The following SNX29 variants were observed in gnomAD, a reference collection of about 807,000 sequenced individuals.
The protein encoded by SNX29 is sorting nexin-29.
SNX29 carries 78 observed loss-of-function variants against 102.1 expected under a neutral mutation model. That is an observed-to-expected ratio of 0.76 (90% CI 0.64 to 0.92). The LOEUF is 0.92. Among genes scored for constraint, SNX29 ranks in the 40% least tolerant of loss-of-function variants. SNX29 has a pLI of 0.00. For missense variants in SNX29, 1,280 were observed against 1,061.7 expected (o/e 1.21, Z -2.86); for synonymous variants, 580 against 414.5 (o/e 1.40, Z -4.85).
At chr16:12,217,708 C>T (rs865923839) in intron 14 of SNX29, among the ~76,000 whole-genome samples, 2 of 152,116 alleles carry the variant, frequency 1.3e-5, no homozygotes, top group East Asian at 1.9e-4. Flanking sequence ...TTGGATTTAC[C>T]ATGGGCATAT....
chr16:12,257,960 G>A (rs911802888), intron 14 of SNX29, among the ~76,000 whole-genome samples: 1 of 152,154 alleles, frequency 6.6e-6, no homozygotes, highest in African/African-American at 2.4e-5. Context: ...CCCTGGAGAT[G>A]AATGGCCATT....
intron 19 of SNX29, among the ~76,000 whole-genome samples, chr16:12,517,055 C>G (rs1284211236): frequency 1.3e-5 from 2 of 152,252 alleles, no homozygotes; most frequent in East Asian, 3.9e-4. Context: ...GAAAGCGAGG[C>G]CCAACTCCCA....
chr16:12,571,900 G>T lies in SNX29; in HGVS notation c.*3271G>T, dbSNP rs1338799370. 9.4e-7 allele frequency: 1 copy of T among 1,061,788 alleles called. No individual in the cohort carries two copies. Among genetic ancestry groups the T allele is most frequent in the Non-Finnish European group, 1.1e-6 (1 of 877,110 alleles). 65.8% of individuals were successfully genotyped at this position (1,061,788 alleles called of 1,614,324 possible). A position where few individuals can be genotyped will look rare whatever the true frequency, so the allele number is the denominator to read the frequency against. ...TTGGAGCTGAGGTTCAAAGCCCCCT[G>T]CATTTCTCTACTGGCAGGCCCTGGT... On this transcript the variant is annotated 3_prime_UTR_variant, in exon 21 of 21. Transcript: ENST00000566228.
chr16:12,568,881 T>A lies in SNX29; in HGVS notation c.*252T>A. The A allele has an allele frequency of 1.8e-6, 1 of 569,416 alleles. No homozygotes were observed. Among genetic ancestry groups the A allele is most frequent in the Non-Finnish European group, 3.0e-6 (1 of 333,244 alleles). 35.3% of individuals were successfully genotyped at this position (569,416 alleles called of 1,614,324 possible). ...ACACACAGTCCTTCTGCTTCTGGGG[T>A]CTACCCTGGGCTGCAAGGGCTGTTC... On this transcript the variant is annotated 3_prime_UTR_variant, in exon 21 of 21. Transcript: ENST00000566228.
intron 16 of SNX29, among the ~76,000 whole-genome samples, chr16:12,370,093 G>A (rs1193169892): frequency 6.6e-6 from 1 of 151,178 alleles, no homozygotes; most frequent in Non-Finnish European, 1.5e-5. Flanking sequence ...GTGGTAGCAT[G>A]TGCCCTTAAT....
chr16:12,092,495 T>A (rs9925009), intron 11 of SNX29, among the ~76,000 whole-genome samples: 34,623 of 152,078 alleles, frequency 0.23, 3,987 homozygotes, highest in Admixed American at 0.26. Context: ...GATTTTCACC[T>A]TTTTTCCTCT....
intron 19 of SNX29, among the ~76,000 whole-genome samples, chr16:12,490,362 T>A (rs2088485084): frequency 6.6e-6 from 1 of 152,246 alleles, no homozygotes; most frequent in Admixed American, 6.5e-5. Context: ...TCCTCCATGT[T>A]GTTGCAAGTA....
chr16:12,043,637 A>G (rs1311013493), intron 5 of SNX29, among the ~76,000 whole-genome samples: 2 of 151,838 alleles, frequency 1.3e-5, no homozygotes, highest in Non-Finnish European at 2.9e-5. Flanking sequence ...GATTACAGGT[A>G]TGAGCTACCA....
chr16:12,393,053 G>A (rs1005190282), intron 16 of SNX29, among the ~76,000 whole-genome samples: 1 of 152,168 alleles, frequency 6.6e-6, no homozygotes, highest in African/African-American at 2.4e-5. Flanking sequence ...TCATTTTTTG[G>A]CAGTGAAAAG....
At chr16:12,144,815 G>C (rs1258822872) in intron 13 of SNX29, among the ~76,000 whole-genome samples, 1 of 152,158 alleles carries the variant, frequency 6.6e-6, no homozygotes, top group Non-Finnish European at 1.5e-5. Context: ...TCCTCCTCCC[G>C]GATTCACACC....
intron 16 of SNX29, among the ~76,000 whole-genome samples, chr16:12,361,865 A>G (rs987577637): frequency 1.3e-5 from 2 of 151,390 alleles, no homozygotes; most frequent in African/African-American, 2.4e-5. Context: ...TTACCCCCTG[A>G]TTTTCCTACC....
intron 18 of SNX29, among the ~76,000 whole-genome samples, chr16:12,468,326 C>T (rs1218683220): frequency 1.3e-5 from 2 of 151,918 alleles, no homozygotes; most frequent in Non-Finnish European, 2.9e-5. Flanking sequence ...AGGCACCCGC[C>T]ACCATGCCCC....
At chr16:12,538,889 A>T (rs956613963) in intron 20 of SNX29, among the ~76,000 whole-genome samples, 1 of 145,202 alleles carries the variant, frequency 6.9e-6, no homozygotes, top group Non-Finnish European at 1.5e-5. Flanking sequence ...GTACACTTGC[A>T]CAGATTAATG....
chr16:12,493,829 T>A (rs1174594386), intron 19 of SNX29, among the ~76,000 whole-genome samples: 1 of 152,332 alleles, frequency 6.6e-6, no homozygotes, highest in East Asian at 1.9e-4. Context: ...TGACCTCAGA[T>A]GATCCACCCG....
At chr16:12,237,021 C>A (rs2077955784) in intron 14 of SNX29, among the ~76,000 whole-genome samples, 1 of 152,140 alleles carries the variant, frequency 6.6e-6, no homozygotes, top group Non-Finnish European at 1.5e-5. Flanking sequence ...CTCCGGCTGG[C>A]TGGGTCATTC....
At chr16:12,201,974 C>T (rs1044048276) in intron 14 of SNX29, among the ~76,000 whole-genome samples, 1 of 152,082 alleles carries the variant, frequency 6.6e-6, no homozygotes, top group African/African-American at 2.4e-5. Flanking sequence ...TTTTTCATAG[C>T]AGCTGAAGGT....
At chr16:11,993,272 G>C (rs1053382360) in intron 1 of SNX29, among the ~76,000 whole-genome samples, 2 of 152,146 alleles carry the variant, frequency 1.3e-5, no homozygotes, top group Admixed American at 6.6e-5. Context: ...CCAGGGTTGC[G>C]AGGGTTAAAG....
Position 12,295,956 on chromosome 16 carries a change from C to G in SNX29, c.1782+17920C>G, listed in dbSNP as rs916953407. On this transcript the variant is annotated intron_variant, in intron 15 of 20. Coordinates refer to ENST00000566228, the MANE Select transcript of SNX29 (RefSeq NM_032167.5). Reference sequence around the variant, plus strand: ...CCAAAAATGAGTCTTTTAAACAGTTCTTCTCCTCAAAATGAAATATGTTCT... The same window carrying G: ...CCAAAAATGAGTCTTTTAAACAGTTGTTCTCCTCAAAATGAAATATGTTCT... 7.9e-5 allele frequency among the ~76,000 whole-genome samples: 12 copies of G among 152,326 alleles called. 1 individual carries two copies. The highest frequency in any genetic ancestry group is 7.2e-4 in the Admixed American group (11 of 15,300).
intron 20 of SNX29, among the ~76,000 whole-genome samples, chr16:12,550,747 GAT>G (rs2077922984): frequency 6.6e-6 from 1 of 151,956 alleles, no homozygotes; most frequent in African/African-American, 2.4e-5. Context: ...TAAAAAAGGT[GAT>G]AAAATAGTTG....
Sources: allele counts gnomAD v4.1 joint callset (sites outside exome capture counted in the v4.1 genomes callset), GRCh38; gene constraint gnomAD v4.1.1; transcripts MANE v1.5; gene names NCBI Gene and HGNC (gene_info 2026-07-23, HGNC 2026-07-21).